The following BCAS3 variants were observed in gnomAD, a reference collection of about 807,000 sequenced individuals.
The protein encoded by BCAS3 is BCAS4/BCAS3 fusion.
A neutral mutation model predicts 116.1 loss-of-function variants in BCAS3; 53 were observed. The observed-to-expected ratio is 0.46, with a 90% CI of 0.37 to 0.57. The LOEUF (loss-of-function observed/expected upper bound fraction) is 0.57. BCAS3 is among the 20% of genes least tolerant of loss of function. The probability of loss-of-function intolerance (pLI) is 0.00; values close to 1 mark genes in which losing one functional copy is unlikely to be tolerated. For synonymous variants in BCAS3, 391 were observed against 408.2 expected (o/e 0.96, Z 0.51); for missense variants, 917 against 1,165.4 (o/e 0.79, Z 3.10).
At chr17:60,844,005 T>C (rs1187407543) in intron 7 of BCAS3, among the ~76,000 whole-genome samples, 1 of 152,210 alleles carries the variant, frequency 6.6e-6, no homozygotes, top group Non-Finnish European at 1.5e-5. Flanking sequence ...GTTTCTCTCT[T>C]GTTGCCCAGT....
In BCAS3 at chr17:61,241,736, A is replaced by G. The variant is rs1226319225; in HGVS notation, c.2426-126591A>G. Among the ~76,000 whole-genome samples the G allele has an allele frequency of 6.6e-6, 1 of 152,046 alleles. No individual in the cohort carries two copies. On this transcript the variant is annotated intron_variant, in intron 22 of 23. Transcript: ENST00000407086. This position sits in a 1 kb window ranked among gnomAD's most constrained non-coding sequence, Gnocchi z 4.6. ...TCCATCTCAAAAAATAATAATAAGA[A>G]TAATAGTTTGGAGGTAAAATGAGTC...
rs1020694693 is a variant in BCAS3, at chr17:61,229,280, T to C, written c.2426-139047T>C. Among the ~76,000 whole-genome samples the C allele has an allele frequency of 6.6e-6, 1 of 152,232 alleles. No individual in the cohort carries two copies. Among genetic ancestry groups the C allele is most frequent in the Non-Finnish European group, 1.5e-5 (1 of 68,042 alleles). Reference sequence around the variant, plus strand: ...GTGAGGAAGCTACAGAAGAAAAGTTTGAAGCTAACAGAGGTTGGTTCGTGA... The same window carrying C: ...GTGAGGAAGCTACAGAAGAAAAGTTCGAAGCTAACAGAGGTTGGTTCGTGA... On this transcript the variant is annotated intron_variant, in intron 22 of 23. Coordinates refer to ENST00000407086, the MANE Select transcript of BCAS3 (RefSeq NM_017679.5). The surrounding 1 kb of genome is among the most constrained non-coding windows in gnomAD (Gnocchi z 4.4).
intron 22 of BCAS3, among the ~76,000 whole-genome samples, chr17:61,121,731 T>TTA (rs2075798804): frequency 6.6e-6 from 1 of 152,222 alleles, no homozygotes; most frequent in African/African-American, 2.4e-5. Flanking sequence ...AACATCTATT[T>TTA]TATATGTGTG....
rs1186457370 is a variant in BCAS3 at position 61,211,773 on chromosome 17, T to C, written c.2425+127209T>C. On this transcript the variant is annotated intron_variant, in intron 22 of 23. Coordinates refer to ENST00000407086, the MANE Select transcript of BCAS3 (RefSeq NM_017679.5). This position sits in a 1 kb window ranked among gnomAD's most constrained non-coding sequence, Gnocchi z 4.4. The stretch of plus-strand genomic sequence containing the variant: ...GAAGTGTTATGCTTCAAATAACCGC[T>C]CAACAGCTCATCTGAAGGTCCAGAG... Among the ~76,000 whole-genome samples the C allele has an allele frequency of 6.6e-6, 1 of 152,072 alleles. No individual in the cohort carries two copies. The highest frequency in any genetic ancestry group is 1.9e-4 in the East Asian group (1 of 5,176).
At chr17:60,717,466 C>T (rs1451232271) in intron 5 of BCAS3, among the ~76,000 whole-genome samples, 6 of 151,836 alleles carry the variant, frequency 4.0e-5, no homozygotes, top group South Asian at 2.1e-4. Flanking sequence ...TCTGCCTTCC[C>T]GGGCCTCCCA....
chr17:61,133,041 A>C (rs1183820105), intron 22 of BCAS3, among the ~76,000 whole-genome samples: 1 of 152,220 alleles, frequency 6.6e-6, no homozygotes, highest in Non-Finnish European at 1.5e-5. Flanking sequence ...AATCAGATGA[A>C]GAAGCTGATA....
chr17:61,211,366 T>G lies in BCAS3; in HGVS notation c.2425+126802T>G, dbSNP rs2081449280. Among the ~76,000 whole-genome samples, 1 of 152,204 alleles carries G rather than the reference T, an allele frequency of 6.6e-6. No homozygotes were observed. On this transcript the variant is annotated intron_variant, in intron 22 of 23. Transcript: ENST00000407086. The surrounding 1 kb of genome is among the most constrained non-coding windows in gnomAD (Gnocchi z 4.4). ...GAGACTCCAGCCTCTTTGACAGTCA[T>G]TCTCCCACTGTGTCCCTTTTGACTT...
intron 3 of BCAS3, among the ~76,000 whole-genome samples, chr17:60,686,693 T>G (rs1413283045): frequency 1.3e-5 from 2 of 152,068 alleles, no homozygotes; most frequent in Admixed American, 6.6e-5. Context: ...GCCCGGCCAA[T>G]TTTTGTATTT....
chr17:60,740,016 A>AT (rs1424474610), intron 5 of BCAS3, among the ~76,000 whole-genome samples: 1 of 151,296 alleles, frequency 6.6e-6, no homozygotes, highest in Non-Finnish European at 1.5e-5. Flanking sequence ...TTCTTTCAAG[A>AT]TTTTTTCTTT....
Position 61,329,340 on chromosome 17 carries a change from A to ATTTT in BCAS3, c.2426-38985_2426-38984insTTTT, listed in dbSNP as rs199612323. Reference sequence around the variant, plus strand: ...TCCAGGCCATGTTATTATTATTATTATTATTTTTTTTTTTTTTTGAGACGG... The same window carrying ATTTT: ...TCCAGGCCATGTTATTATTATTATTATTTTTTATTTTTTTTTTTTTTTGAGACGG... On this transcript the variant is annotated intron_variant, in intron 22 of 23. Transcript: ENST00000407086. Among the ~76,000 whole-genome samples the ATTTT allele has an allele frequency of 2.7e-4, 30 of 109,468 alleles. 1 individual carries two copies. Among genetic ancestry groups the ATTTT allele is most frequent in the South Asian group, 6.5e-4 (2 of 3,086 alleles). The allele number at this position is 109,468 out of a possible 152,430, so 71.8% of individuals were successfully genotyped here.
At position 60,798,504 on chromosome 17, in the gene BCAS3, A is replaced by G. The variant is rs191705202; in HGVS notation, c.404-9500A>G. Among the ~76,000 whole-genome samples the G allele has an allele frequency of 3.8e-3, 574 of 152,284 alleles. 9 individuals carry two copies. Among genetic ancestry groups the G allele is most frequent in the African/African-American group, 0.013 (537 of 41,560 alleles). ...TTTCAATGAGCAATATGCATTTAACATTCCTTCGTTTTATGGCTTGATAGC... is the reference window on the plus strand; with the variant it reads ...TTTCAATGAGCAATATGCATTTAACGTTCCTTCGTTTTATGGCTTGATAGC... On this transcript the variant is annotated intron_variant, in intron 6 of 23. Coordinates refer to ENST00000407086, the MANE Select transcript of BCAS3 (RefSeq NM_017679.5).
Position 61,213,868 on chromosome 17 carries a change from C to T in BCAS3, c.2425+129304C>T, listed in dbSNP as rs2081615868. On this transcript the variant is annotated intron_variant, in intron 22 of 23. Coordinates refer to ENST00000407086, the MANE Select transcript of BCAS3 (RefSeq NM_017679.5). This position sits in a 1 kb window ranked among gnomAD's most constrained non-coding sequence, Gnocchi z 5.4. The stretch of plus-strand genomic sequence containing the variant: ...GAATTTAATGAAATCTTGAACTTTG[C>T]CTTCTGCCCTTTTGTATTTGTCCCA... Among the ~76,000 whole-genome samples the T allele has an allele frequency of 6.6e-6, 1 of 152,122 alleles. No homozygotes were observed. The highest frequency in any genetic ancestry group is 1.5e-5 in the Non-Finnish European group (1 of 68,034).
rs1326567207 is a variant in BCAS3 at position 61,028,019 on chromosome 17, A to G, written c.1638-6647A>G. On this transcript the variant is annotated intron_variant, in intron 16 of 23. Transcript: ENST00000407086. The surrounding 1 kb of genome is among the most constrained non-coding windows in gnomAD (Gnocchi z 4.3). ...TATTAATTTTATTAATTTAGTCAGAATACTGAAAAGAGTTCTGCACATATG... is the reference window on the plus strand; with the variant it reads ...TATTAATTTTATTAATTTAGTCAGAGTACTGAAAAGAGTTCTGCACATATG... 6.6e-6 allele frequency among the ~76,000 whole-genome samples: 1 copy of G among 151,912 alleles called. No individual in the cohort carries two copies. The highest frequency in any genetic ancestry group is 1.9e-4 in the East Asian group (1 of 5,198).
Position 61,235,098 on chromosome 17 carries a change from G to A in BCAS3, c.2426-133229G>A, listed in dbSNP as rs1393226790. ...GACAGGGTTTCACCACATTGGCCGGGCTGGTCTCAAACTCCTGACCTAAGA... is the reference window on the plus strand; with the variant it reads ...GACAGGGTTTCACCACATTGGCCGGACTGGTCTCAAACTCCTGACCTAAGA... On this transcript the variant is annotated intron_variant, in intron 22 of 23. Transcript: ENST00000407086. The surrounding 1 kb of genome is among the most constrained non-coding windows in gnomAD (Gnocchi z 5.0). 2.0e-5 allele frequency among the ~76,000 whole-genome samples: 3 copies of A among 152,118 alleles called. No homozygotes were observed. Among genetic ancestry groups the A allele is most frequent in the African/African-American group, 7.2e-5 (3 of 41,428 alleles).
In BCAS3 at chr17:61,387,327, C is replaced by T. The variant is rs537597264; in HGVS notation, c.2594-4650C>T. The stretch of plus-strand genomic sequence containing the variant: ...TTGCCTCCTCACAGACAAAGAGTGA[C>T]CCCACCCCACCCCATCTCCCTGGGC... On this transcript the variant is annotated intron_variant, in intron 23 of 23. Transcript: ENST00000407086. This position sits in a 1 kb window ranked among gnomAD's most constrained non-coding sequence, Gnocchi z 6.2. Among the ~76,000 whole-genome samples, 39 of 152,260 alleles carry T rather than the reference C, an allele frequency of 2.6e-4. No homozygotes were observed. In the South Asian group the frequency reaches 7.3e-3, roughly 28 times the overall value.
In BCAS3 at chr17:61,352,451, G is replaced by A. The variant is rs933394936; in HGVS notation, c.2426-15876G>A. Among the ~76,000 whole-genome samples the A allele has an allele frequency of 2.0e-5, 3 of 152,204 alleles. No individual in the cohort carries two copies. Among genetic ancestry groups the A allele is most frequent in the African/African-American group, 7.2e-5 (3 of 41,452 alleles). On this transcript the variant is annotated intron_variant, in intron 22 of 23. Transcript: ENST00000407086. The surrounding 1 kb of genome is among the most constrained non-coding windows in gnomAD (Gnocchi z 4.7). ...GAATTGGCATTTCTTCCACAAGGAA[G>A]GGGTGAGAGGAGGCTCTACTGGCCT...
chr17:60,747,191 T>TA lies in BCAS3; in HGVS notation c.322-6dup. 1 of 1,599,388 alleles carries TA rather than the reference T, an allele frequency of 6.3e-7. No homozygotes were observed. Among genetic ancestry groups the TA allele is most frequent in the South Asian group, 1.1e-5 (1 of 90,426 alleles). On this transcript the variant is annotated splice_polypyrimidine_tract_variant and splice_region_variant and intron_variant, in intron 5 of 23. Transcript: ENST00000407086. Reference sequence around the variant, plus strand: ...CACTGAAATATTTTCTTTCTTCTCTTATGCAGATCAGTGGTGAAGCACAAG... The same window carrying TA: ...CACTGAAATATTTTCTTTCTTCTCTTAATGCAGATCAGTGGTGAAGCACAAG...
chr17:60,981,191 C>A (rs1313318870), intron 14 of BCAS3, among the ~76,000 whole-genome samples: 13 of 152,028 alleles, frequency 8.6e-5, no homozygotes, highest in Admixed American at 8.5e-4. Flanking sequence ...GATTTGTCTA[C>A]TTTGACTTGG....
chr17:60,686,650 T>C (rs2034099037), intron 3 of BCAS3, among the ~76,000 whole-genome samples: 1 of 152,056 alleles, frequency 6.6e-6, no homozygotes, highest in Admixed American at 6.6e-5. Flanking sequence ...CTCAGCCTCC[T>C]GAGTAGCTGG....
Sources: gnomAD v4.1 joint callset for allele counts (sites outside exome capture counted in the v4.1 genomes callset) on GRCh38, gnomAD v4.1.1 for gene constraint, Gnocchi (gnomAD v3.1) non-coding constraint, MANE v1.5 for transcripts, NCBI Gene and HGNC (gene_info 2026-07-23, HGNC 2026-07-21) for gene names.